PLEKHD1: variants seen among roughly 807,000 people sequenced by gnomAD.
The protein encoded by PLEKHD1 is pleckstrin homology domain-containing family D member 1.
In PLEKHD1, 51 loss-of-function variants were observed where a neutral mutation model predicts 69.2. That is an observed-to-expected ratio of 0.74 (90% CI 0.59 to 0.93). PLEKHD1 has a LOEUF of 0.93. Among genes scored for constraint, PLEKHD1 ranks in the 40% least tolerant of loss-of-function variants. The probability of loss-of-function intolerance (pLI) is 0.00; values close to 1 mark genes in which losing one functional copy is unlikely to be tolerated. For missense variants in PLEKHD1, 584 were observed against 641.0 expected, an observed-to-expected ratio of 0.91 and a Z score of 0.96; for synonymous variants, 236 against 244.7, an observed-to-expected ratio of 0.96 and a Z score of 0.33.
intron 6 of PLEKHD1, among the ~76,000 whole-genome samples, chr14:69,505,063 A>G (rs1358186402): frequency 2.0e-5 from 3 of 152,228 alleles, no homozygotes; most frequent in Non-Finnish European, 4.4e-5. Context: ...CCAGGAAATT[A>G]GGACAGCGGA....
At chr14:69,512,926 G>A (rs1488199598) in intron 6 of PLEKHD1, among the ~76,000 whole-genome samples, 1 of 151,720 alleles carries the variant, frequency 6.6e-6, no homozygotes, top group Non-Finnish European at 1.5e-5. Context: ...GAGAGAGAAA[G>A]AAAAAAGAAA....
At chr14:69,482,930 A>G (rs572039943), upstream of PLEKHD1, among the ~76,000 whole-genome samples, 72 of 151,978 alleles carry the variant, frequency 4.7e-4, no homozygotes, top group African/African-American at 1.7e-3. Context: ...AAAGAAAGAA[A>G]GAAAAAAGAA....
At chr14:69,488,152 C>G (rs1161875165) in intron 1 of PLEKHD1, among the ~76,000 whole-genome samples, 1 of 152,164 alleles carries the variant, frequency 6.6e-6, no homozygotes, top group Non-Finnish European at 1.5e-5. Context: ...ATTGTGTCCA[C>G]CTGGTGCCAG....
intron 1 of PLEKHD1, among the ~76,000 whole-genome samples, chr14:69,493,859 G>A (rs17836244): frequency 0.11 from 17,197 of 152,328 alleles, 1,128 homozygotes; most frequent in East Asian, 0.14. Flanking sequence ...CATGGGGACA[G>A]AAAAGGGCCA....
At chr14:69,493,730 C>T (rs186264998) in intron 1 of PLEKHD1, among the ~76,000 whole-genome samples, 1 of 152,354 alleles carries the variant, frequency 6.6e-6, no homozygotes, top group African/African-American at 2.4e-5. Context: ...TGTCCTGGCA[C>T]CCTGCGAATG....
chr14:69,524,471 A>G (rs143818029), intron 8 of PLEKHD1, 149 bp downstream of exon 8: 9 of 679,956 alleles, frequency 1.3e-5, no homozygotes, highest in South Asian at 1.2e-4. Context: ...TCTCTTCTCT[A>G]TGGATCATTG....
At chr14:69,502,062 A>T in intron 5 of PLEKHD1, 1 of 421,092 alleles carries the variant, frequency 2.4e-6, no homozygotes, top group Non-Finnish European at 4.3e-6. Context: ...CAGCTTCATC[A>T]TTTGTCACCC....
At chr14:69,479,277 A>G in the PLEKHD1 span, among the ~76,000 whole-genome samples, 17 of 152,174 alleles carry the variant, frequency 1.1e-4, no homozygotes, top group African/African-American at 3.4e-4. Context: ...TGGGAATTCA[A>G]TATAATATTT....
chr14:69,475,038 T>G, the PLEKHD1 span, among the ~76,000 whole-genome samples: 3 of 152,196 alleles, frequency 2.0e-5, no homozygotes, highest in African/African-American at 7.2e-5. Context: ...TTTTGATATA[T>G]GAAGACAAGA....
the PLEKHD1 span, among the ~76,000 whole-genome samples, chr14:69,475,723 A>T: frequency 6.6e-6 from 1 of 152,046 alleles, no homozygotes; most frequent in Non-Finnish European, 1.5e-5. Flanking sequence ...GCACCCAGAG[A>T]TGGGTCAACT....
intron 1 of PLEKHD1, among the ~76,000 whole-genome samples, chr14:69,489,062 T>G (rs538096450): frequency 6.6e-6 from 1 of 152,288 alleles, no homozygotes; most frequent in East Asian, 1.9e-4. Flanking sequence ...CTGCCAAAGT[T>G]AAGTGAGTTA....
upstream of PLEKHD1, among the ~76,000 whole-genome samples, chr14:69,483,691 T>G (rs937617780): frequency 1.3e-5 from 2 of 152,254 alleles, no homozygotes; most frequent in Admixed American, 1.3e-4. Flanking sequence ...TTTGTAAACT[T>G]CTGTTGCAAT....
chr14:69,477,765 G>C, the PLEKHD1 span, among the ~76,000 whole-genome samples: 2 of 152,224 alleles, frequency 1.3e-5, no homozygotes, highest in Non-Finnish European at 2.9e-5. Context: ...GCAAGAGGTA[G>C]GTTCCCATAG....
intron 6 of PLEKHD1, among the ~76,000 whole-genome samples, chr14:69,515,979 G>A (rs1044884782): frequency 3.3e-5 from 5 of 152,208 alleles, no homozygotes; most frequent in Admixed American, 6.5e-5. Flanking sequence ...GATGTAAGAA[G>A]ACTTGCTGAT....
intron 6 of PLEKHD1, among the ~76,000 whole-genome samples, chr14:69,517,710 T>G (rs1883416057): frequency 6.6e-6 from 1 of 152,198 alleles, no homozygotes; most frequent in Non-Finnish European, 1.5e-5. Context: ...CTCGGTTCTT[T>G]CAGGGCAGCA....
At chr14:69,513,914 C>A (rs1883325703) in intron 6 of PLEKHD1, among the ~76,000 whole-genome samples, 2 of 152,126 alleles carry the variant, frequency 1.3e-5, no homozygotes, top group Admixed American at 1.3e-4. Flanking sequence ...TATTTCACTC[C>A]ATTCTTTTCT....
the PLEKHD1 span, among the ~76,000 whole-genome samples, chr14:69,472,852 G>A: frequency 6.6e-6 from 1 of 152,202 alleles, no homozygotes; most frequent in African/African-American, 2.4e-5. Context: ...CCACACAGCA[G>A]GAGGTGAGCG....
intron 4 of PLEKHD1, 182 bp downstream of exon 4, chr14:69,501,129 G>A: frequency 4.7e-6 from 3 of 635,530 alleles, no homozygotes; most frequent in Non-Finnish European, 5.5e-6. Context: ...GGTCCCCTGA[G>A]TGAGCTTGAA....
the PLEKHD1 span, among the ~76,000 whole-genome samples, chr14:69,479,309 G>A: frequency 2.0e-4 from 31 of 152,134 alleles, no homozygotes; most frequent in African/African-American, 5.1e-4. Flanking sequence ...CAGCCAAACC[G>A]TATCAGTGTT....
Sources: gnomAD v4.1 joint callset for allele counts (sites outside exome capture counted in the v4.1 genomes callset) on GRCh38, gnomAD v4.1.1 for gene constraint, MANE v1.5 for transcripts, NCBI Gene and HGNC (gene_info 2026-07-23, HGNC 2026-07-21) for gene names.